Variants in COL25A1 observed in about 807,000 individuals in gnomAD.
COL25A1 encodes collagen type XXV alpha 1 chain.
A neutral mutation model predicts 128.4 loss-of-function variants in COL25A1; 103 were observed. The observed-to-expected ratio is 0.80, with a 90% CI of 0.68 to 0.94. COL25A1 has a LOEUF of 0.94. Among genes scored for constraint, COL25A1 ranks in the 40% least tolerant of loss-of-function variants. The pLI is 0.00. For synonymous variants in COL25A1, 279 were observed against 277.2 expected (o/e 1.01, Z -0.06); for missense variants, 745 against 840.0 (o/e 0.89, Z 1.40).
At chr4:108,822,192 C>T (rs1221443713) in intron 35 of COL25A1, among the ~76,000 whole-genome samples, 7 of 151,248 alleles carry the variant, frequency 4.6e-5, no homozygotes, top group Admixed American at 2.6e-4. Context: ...TACAGGTACC[C>T]ACCACCACCC....
At chr4:108,889,174 A>T in intron 18 of COL25A1, 47 bp downstream of exon 18, 1 of 1,504,796 alleles carries the variant, frequency 6.6e-7, no homozygotes, top group Non-Finnish European at 9.2e-7. Flanking sequence ...TAGATATAAA[A>T]TGGTGAATAT....
chr4:108,979,626 A>G (rs184489027), intron 6 of COL25A1, among the ~76,000 whole-genome samples: 7 of 152,314 alleles, frequency 4.6e-5, no homozygotes, highest in Admixed American at 1.3e-4. Flanking sequence ...TGGAATAAGA[A>G]TGGGGTTATG....
chr4:109,250,859 C>G (rs1394780823), intron 3 of COL25A1, among the ~76,000 whole-genome samples: 1 of 152,178 alleles, frequency 6.6e-6, no homozygotes, highest in Non-Finnish European at 1.5e-5. Flanking sequence ...CCCTTGTTAA[C>G]CCATATACTT....
At chr4:109,017,119 A>G (rs1016658268) in intron 5 of COL25A1, among the ~76,000 whole-genome samples, 1 of 152,182 alleles carries the variant, frequency 6.6e-6, no homozygotes, top group Non-Finnish European at 1.5e-5. Flanking sequence ...CCCCTTGTCC[A>G]GACATGGGTG....
chr4:109,008,245 G>T (rs2126041321), intron 6 of COL25A1, among the ~76,000 whole-genome samples: 1 of 152,282 alleles, frequency 6.6e-6, no homozygotes, highest in East Asian at 1.9e-4. Context: ...AACAGTAAAG[G>T]CAGGGAACTT....
intron 3 of COL25A1, among the ~76,000 whole-genome samples, chr4:109,192,669 C>A (rs112256578): frequency 1.3e-5 from 2 of 151,938 alleles, no homozygotes; most frequent in Admixed American, 6.6e-5. Flanking sequence ...CTGGCTAACA[C>A]GGTGAAACCC....
At chr4:108,943,824 C>CAAAA (rs200181154) in intron 8 of COL25A1, among the ~76,000 whole-genome samples, 3,223 of 137,228 alleles carry the variant, frequency 0.023, 98 homozygotes, top group African/African-American at 0.075. Flanking sequence ...TCCTTTTTTT[C>CAAAA]AAAAAAAAAA....
intron 16 of COL25A1, among the ~76,000 whole-genome samples, chr4:108,893,969 G>A (rs532494478): frequency 3.0e-4 from 45 of 152,118 alleles, no homozygotes; most frequent in South Asian, 1.0e-3. Context: ...AATAATTTCC[G>A]TTTTACCTGA....
intron 3 of COL25A1, among the ~76,000 whole-genome samples, chr4:109,136,202 A>G (rs954949120): frequency 2.0e-5 from 3 of 152,162 alleles, no homozygotes; most frequent in Admixed American, 6.5e-5. Flanking sequence ...GTTCGAGACC[A>G]GCCTGGCCAA....
intron 3 of COL25A1, among the ~76,000 whole-genome samples, chr4:109,132,781 C>T (rs1417931953): frequency 6.6e-6 from 1 of 152,022 alleles, no homozygotes; most frequent in Non-Finnish European, 1.5e-5. Context: ...TTCAAAGACA[C>T]TTCTAATAAT....
chr4:109,058,945 G>GAGAGAGTA (rs1761692903), intron 3 of COL25A1, among the ~76,000 whole-genome samples: 1 of 152,178 alleles, frequency 6.6e-6, no homozygotes, highest in African/African-American at 2.4e-5. Context: ...GTAAGAGTAG[G>GAGAGAGTA]AGTAGTTCAG....
chr4:108,993,220 C>A (rs939002610), intron 6 of COL25A1, among the ~76,000 whole-genome samples: 20 of 152,298 alleles, frequency 1.3e-4, no homozygotes, highest in African/African-American at 4.6e-4. Context: ...AACTGCCATT[C>A]TACCCTCTGC....
intron 3 of COL25A1, among the ~76,000 whole-genome samples, chr4:109,228,502 G>A: frequency 6.6e-6 from 1 of 152,118 alleles, no homozygotes; most frequent in East Asian, 1.9e-4. Flanking sequence ...TCAGCACTCA[G>A]GATTTTAATC....
chr4:109,045,156 A>T (rs1760306166), intron 5 of COL25A1, among the ~76,000 whole-genome samples: 1 of 152,184 alleles, frequency 6.6e-6, no homozygotes, highest in Non-Finnish European at 1.5e-5. Flanking sequence ...AGCTTATTGT[A>T]AGAATGCAGT....
intron 8 of COL25A1, among the ~76,000 whole-genome samples, chr4:108,948,714 G>A (rs991638664): frequency 6.6e-6 from 1 of 151,936 alleles, no homozygotes; most frequent in African/African-American, 2.4e-5. Flanking sequence ...CTTTTTATAT[G>A]TCGATGATAA....
chr4:109,147,595 T>C (rs947930779), intron 3 of COL25A1, among the ~76,000 whole-genome samples: 1 of 152,124 alleles, frequency 6.6e-6, no homozygotes, highest in Admixed American at 6.6e-5. Context: ...GGAGGGCAGA[T>C]CACTTGAGGT....
intron 5 of COL25A1, among the ~76,000 whole-genome samples, chr4:109,013,615 G>A (rs866369075): frequency 2.0e-5 from 3 of 152,016 alleles, no homozygotes; most frequent in Admixed American, 1.3e-4. Context: ...TGAGGCCAGC[G>A]AGACCACAAA....
intron 3 of COL25A1, among the ~76,000 whole-genome samples, chr4:109,171,830 C>T (rs552447208): frequency 1.3e-5 from 2 of 152,332 alleles, no homozygotes; most frequent in East Asian, 3.9e-4. Flanking sequence ...ACACTTCTCG[C>T]ATGAGCCCTC....
At chr4:109,050,699 T>A (rs1014391204) in intron 3 of COL25A1, among the ~76,000 whole-genome samples, 17 of 152,156 alleles carry the variant, frequency 1.1e-4, no homozygotes, top group African/African-American at 3.9e-4. Context: ...TTTCATTAAA[T>A]GTGAATATAT....
Sources: allele counts gnomAD v4.1 joint callset (sites outside exome capture counted in the v4.1 genomes callset), GRCh38; gene constraint gnomAD v4.1.1; transcripts MANE v1.5; gene names NCBI Gene and HGNC (gene_info 2026-07-23, HGNC 2026-07-21).